TSNARE1: variants seen among roughly 807,000 people sequenced by gnomAD.
TSNARE1 encodes the protein t-SNARE domain containing 1, also known as t-SNARE domain-containing protein 1.
Under a neutral mutation model 62.0 loss-of-function variants are expected in TSNARE1, and 49 were observed. The ratio of observed to expected loss-of-function variants is 0.79; its 90% CI spans 0.63 to 1.00. The LOEUF is 1.00. TSNARE1 is among the 50% of genes least tolerant of loss of function. TSNARE1 has a pLI of 0.00. For missense variants in TSNARE1, 755 were observed against 700.1 expected, an observed-to-expected ratio of 1.08 and a Z score of -0.88; for synonymous variants, 328 against 294.4, an observed-to-expected ratio of 1.11 and a Z score of -1.17.
chr8:142,381,803 C>T lies in TSNARE1; in HGVS notation c.-40+21301G>A, dbSNP rs561632223. On this transcript the variant is annotated intron_variant, in intron 1 of 13. Coordinates refer to ENST00000524325, the MANE Select transcript of TSNARE1 (RefSeq NM_145003.5). ...CTCCCCGCAGCTCGGCGTCCTGGGC[C>T]AGCCCCTAATGGAGCAGAAGACAAG... Among the ~76,000 whole-genome samples, 343 of 152,324 alleles carry T rather than the reference C, an allele frequency of 2.3e-3. 3 individuals are homozygous for T. Among genetic ancestry groups the T allele is most frequent in the African/African-American group, 8.0e-3 (331 of 41,580 alleles).
chr8:142,315,117 G>A (rs371632780), intron 7 of TSNARE1, 25 bp from the exon 8 acceptor site: 118 of 1,612,964 alleles, frequency 7.3e-5, no homozygotes, highest in Admixed American at 2.3e-4. Flanking sequence ...CAGCTGGCAC[G>A]GCATGGGAGG....
chr8:142,329,175 T>C (rs1286930061), intron 6 of TSNARE1, among the ~76,000 whole-genome samples: 2 of 152,206 alleles, frequency 1.3e-5, no homozygotes, highest in Non-Finnish European at 2.9e-5. Flanking sequence ...CAGAAGGCTC[T>C]AGATAAGCCA....
Position 142,268,279 on chromosome 8 carries a change from C to G in TSNARE1, c.1446+6502G>C, listed in dbSNP as rs117341454. Among the ~76,000 whole-genome samples, 391 of 152,356 alleles carry G rather than the reference C, an allele frequency of 2.6e-3. 1 individual carries two copies. Among genetic ancestry groups the G allele is most frequent in the Non-Finnish European group, 4.3e-3 (291 of 68,038 alleles). ...AAACTGTCCTAGAGTGCAAAGGGCA[C>G]GTGTGCACTGTGGAGACACATGGAC... On this transcript the variant is annotated intron_variant, in intron 12 of 13. Coordinates refer to ENST00000524325, the MANE Select transcript of TSNARE1 (RefSeq NM_145003.5).
chr8:142,314,528 T>G, intron 8 of TSNARE1, 88 bp from the exon 9 acceptor site: 1 of 1,161,188 alleles, frequency 8.6e-7, no homozygotes, highest in Non-Finnish European at 1.2e-6. Context: ...TGCAGGGCTC[T>G]GGACGACGGT....
intron 13 of TSNARE1, among the ~76,000 whole-genome samples, chr8:142,214,538 T>C (rs1419507693): frequency 6.6e-6 from 1 of 152,116 alleles, no homozygotes; most frequent in Non-Finnish European, 1.5e-5. Context: ...TACCTTGCGC[T>C]GGGCCTGGGC....
chr8:142,392,057 C>T (rs933037854), intron 1 of TSNARE1, among the ~76,000 whole-genome samples: 43 of 152,292 alleles, frequency 2.8e-4, no homozygotes, highest in Admixed American at 6.5e-5. Flanking sequence ...GAGTTTTGCT[C>T]TTGTTGCCCA....
intron 1 of TSNARE1, among the ~76,000 whole-genome samples, chr8:142,362,871 G>A (rs576399585): frequency 5.2e-4 from 79 of 152,298 alleles, no homozygotes; most frequent in Non-Finnish European, 1.1e-3. Context: ...TGTAACATGG[G>A]ACCAAGAAGG....
rs140682187 is a variant in TSNARE1, at chr8:142,331,815, C to A, written c.762G>T (p.Pro254=). Residue 254 remains proline (P), a synonymous_variant, in exon 5 of 14, where the codon CCG becomes CCT. Coordinates refer to ENST00000524325, the MANE Select transcript of TSNARE1 (RefSeq NM_145003.5). ...LEPPRATQVD[P]CNLQELFQEM... is the part of the protein sequence containing the mutation. ...CCTGGAACAGCTCCTGGAGGTTGCA[C>A]GGATCGACCTGGGTGGCTGGGAGAA... is the stretch of plus-strand genomic sequence containing the variant. The A allele has an allele frequency of 2.5e-6, 4 of 1,608,578 alleles. No homozygotes were observed. The African/African-American group carries it at 5.3e-5, about 21-fold the overall frequency.
intron 12 of TSNARE1, among the ~76,000 whole-genome samples, chr8:142,251,089 A>T (rs1818137835): frequency 6.6e-6 from 1 of 152,162 alleles, no homozygotes; most frequent in Non-Finnish European, 1.5e-5. Flanking sequence ...TCATGTGCCC[A>T]TTTAAAAGAC....
intron 6 of TSNARE1, among the ~76,000 whole-genome samples, chr8:142,323,007 T>C (rs1365792994): frequency 1.3e-5 from 2 of 151,342 alleles, no homozygotes; most frequent in African/African-American, 4.9e-5. Flanking sequence ...GTCTGTGGGC[T>C]GGATGATATT....
chr8:142,282,428 G>A (rs1341221059), intron 11 of TSNARE1, among the ~76,000 whole-genome samples: 5 of 150,152 alleles, frequency 3.3e-5, no homozygotes, highest in Admixed American at 6.6e-5. Flanking sequence ...CTATTAATGA[G>A]CGGAGCAGGG....
rs539384525 is a variant in TSNARE1, at chr8:142,314,374, C to T, written c.1131+10G>A. 51 of 1,612,646 alleles carry T rather than the reference C, an allele frequency of 3.2e-5. No homozygotes were observed. Among genetic ancestry groups the T allele is most frequent in the South Asian group, 2.9e-4 (26 of 90,832 alleles). On this transcript the variant is annotated intron_variant, in intron 9 of 13. Transcript: ENST00000524325. ...ACAGCCACTGACCATGGTCAGTACT[C>T]GGCACCCACCTGTTTACTGCCCCTC...
chr8:142,264,877 T>C (rs942746625), intron 12 of TSNARE1, among the ~76,000 whole-genome samples: 1 of 152,248 alleles, frequency 6.6e-6, no homozygotes, highest in Admixed American at 6.5e-5. Context: ...TTTTAATCTG[T>C]CTGCATTTAT....
chr8:142,371,919 T>C (rs1431505666), intron 1 of TSNARE1, among the ~76,000 whole-genome samples: 1 of 152,144 alleles, frequency 6.6e-6, no homozygotes, highest in Non-Finnish European at 1.5e-5. Context: ...TTTTGTACCA[T>C]GGGGCAGAGC....
upstream of TSNARE1, chr8:142,405,164 TG>T (rs1351461301): frequency 2.6e-5 from 4 of 152,168 alleles, no homozygotes; most frequent in African/African-American, 7.2e-5. Flanking sequence ...GCTGAGCCGA[TG>T]GGGAGGGGGA....
chr8:142,400,125 C>T (rs1351208727), intron 1 of TSNARE1, among the ~76,000 whole-genome samples: 1 of 150,838 alleles, frequency 6.6e-6, no homozygotes, highest in African/African-American at 2.4e-5. Context: ...ACCTGAAGGT[C>T]AGGAGCTTGA....
chr8:142,405,130 A>C (rs1237611780), upstream of TSNARE1: 1 of 152,240 alleles, frequency 6.6e-6, no homozygotes, highest in African/African-American at 2.4e-5. Context: ...TCTCCGTGGA[A>C]GAGCCAGGAG....
At chr8:142,371,183 T>C (rs1383279065) in intron 1 of TSNARE1, among the ~76,000 whole-genome samples, 2 of 152,238 alleles carry the variant, frequency 1.3e-5, no homozygotes, top group East Asian at 3.8e-4. Context: ...TTGTATCTAT[T>C]AAATACACAT....
At chr8:142,376,900 G>A (rs1333048102) in intron 1 of TSNARE1, among the ~76,000 whole-genome samples, 3 of 152,230 alleles carry the variant, frequency 2.0e-5, no homozygotes, top group Non-Finnish European at 4.4e-5. Flanking sequence ...AGCAGAACCT[G>A]GGCAGAGCAG....
Sources: gnomAD v4.1 joint callset for allele counts (sites outside exome capture counted in the v4.1 genomes callset) on GRCh38, gnomAD v4.1.1 for gene constraint, MANE v1.5 for transcripts, NCBI Gene and HGNC (gene_info 2026-07-23, HGNC 2026-07-21) for gene names.